MAK: variants seen among roughly 807,000 people sequenced by gnomAD.
MAK encodes the protein male germ cell associated kinase.
Under a neutral mutation model 82.6 loss-of-function variants are expected in MAK, and 65 were observed. The observed-to-expected ratio is 0.79, with a 90% CI of 0.64 to 0.97. The LOEUF is 0.97. Among genes scored for constraint, MAK ranks in the 50% least tolerant of loss-of-function variants. MAK has a pLI of 0.00. For synonymous variants in MAK, 250 were observed against 274.2 expected (o/e 0.91, Z 0.87); for missense variants, 703 against 780.2 (o/e 0.90, Z 1.18).
chr6:10,807,433 C>T (rs1012545573), intron 6 of MAK, among the ~76,000 whole-genome samples: 1 of 148,944 alleles, frequency 6.7e-6, no homozygotes, highest in South Asian at 2.1e-4. Context: ...ACCTCTGCCC[C>T]CAAGGTTCAA....
chr6:10,798,114 CTTTTTTT>C, intron 8 of MAK: 1 of 138,302 alleles, frequency 7.2e-6, no homozygotes, highest in Non-Finnish European at 1.4e-5. Context: ...CAACTCTTCC[CTTTTTTT>C]TTTTTTTTTT....
intron 11 of MAK, chr6:10,780,123 T>C: frequency 3.2e-6 from 1 of 308,872 alleles, no homozygotes; most frequent in Non-Finnish European, 4.7e-6. Flanking sequence ...AGAGGGGTCA[T>C]CTTCAAAACC....
At chr6:10,813,148 T>A (rs1777186757) in intron 5 of MAK, among the ~76,000 whole-genome samples, 8 of 43,658 alleles carry the variant, frequency 1.8e-4, no homozygotes, top group African/African-American at 1.2e-3. Context: ...TTTTTTTTTT[T>A]TTTTTTTTTT....
At position 10,776,371 on chromosome 6, in the gene MAK, C is replaced by T. The variant is rs1382869234; in HGVS notation, c.1466-912G>A. ...GTGAAATGTCCATTCAGCCTTGGGC[C>T]GTGATACTAGTGGTCAAAGGGAGTT... On this transcript the variant is annotated intron_variant, in intron 11 of 14. Coordinates refer to ENST00000354489, the MANE Select transcript of MAK (RefSeq NM_001242957.3). This position sits in a 1 kb window ranked among gnomAD's most constrained non-coding sequence, Gnocchi z 4.3. Among the ~76,000 whole-genome samples, 3 of 152,174 alleles carry T rather than the reference C, an allele frequency of 2.0e-5. No individual in the cohort carries two copies. The highest frequency in any genetic ancestry group is 4.4e-5 in the Non-Finnish European group (3 of 68,040).
At chr6:10,819,942 C>G (rs763980796) in intron 2 of MAK, among the ~76,000 whole-genome samples, 8 of 151,732 alleles carry the variant, frequency 5.3e-5, no homozygotes, top group Non-Finnish European at 7.4e-5. Flanking sequence ...GAAACCTCAT[C>G]TCTACTAAAA....
Position 10,779,357 on chromosome 6 carries a change from G to GT in MAK, c.1466-3899dup, listed in dbSNP as rs949559852. The GT allele has an allele frequency of 1.6e-5, 16 of 985,120 alleles. No homozygotes were observed. The African/African-American group carries it at 2.6e-4, about 16-fold the overall frequency. 61.0% of individuals were successfully genotyped at this position (985,120 alleles called of 1,614,324 possible). ...AGCTGACAGATGGTGCAGTCCCATC[G>GT]TAAGTTACAGAAAACAGAATCTTGC... On this transcript the variant is annotated intron_variant, in intron 11 of 14. Transcript: ENST00000354489.
chr6:10,774,472 G>A (rs1773296920), intron 12 of MAK, among the ~76,000 whole-genome samples: 1 of 151,746 alleles, frequency 6.6e-6, no homozygotes, highest in Non-Finnish European at 1.5e-5. Flanking sequence ...TTCCTTTTTG[G>A]AGACAGAAGC....
intron 13 of MAK, among the ~76,000 whole-genome samples, chr6:10,772,611 G>A (rs1455519522): frequency 1.3e-5 from 2 of 151,866 alleles, no homozygotes; most frequent in African/African-American, 4.8e-5. Context: ...CTGAAGTGCT[G>A]GGATTTCAGG....
intron 14 of MAK, among the ~76,000 whole-genome samples, chr6:10,765,091 C>T (rs1772285467): frequency 2.0e-5 from 2 of 101,262 alleles, no homozygotes; most frequent in Admixed American, 1.1e-4. Context: ...AGTGAAACTC[C>T]ATCTCAAAAA....
chr6:10,820,561 C>T (rs1298715868), intron 2 of MAK, among the ~76,000 whole-genome samples: 2 of 152,166 alleles, frequency 1.3e-5, no homozygotes, highest in Non-Finnish European at 2.9e-5. Flanking sequence ...GTTCAGCACT[C>T]AATAACTACT....
rs933014169 is a variant in MAK at position 10,802,025 on chromosome 6, G to A, written c.698C>T (p.Ser233Phe). The change falls in exon 8 of 15, where the codon TCT (serine) becomes TTT (phenylalanine). Residue 233 changes from serine to phenylalanine, a missense_variant. Ser to Phe is a radical substitution (Grantham distance 155). Transcript: ENST00000354489. ...ACACTGGGGAAAACGGAAGTTCATA[G>A]AGGATGCCAGCTGGTATCCTTCTGG... Reference protein sequence around the residue: ...DWPEGYQLASSMNFRFPQCVP... With the variant: ...DWPEGYQLASFMNFRFPQCVP... The A allele has an allele frequency of 1.9e-6, 3 of 1,614,024 alleles. No individual in the cohort carries two copies. Among genetic ancestry groups the A allele is most frequent in the Non-Finnish European group, 2.5e-6 (3 of 1,180,024 alleles).
At chr6:10,836,710 A>AAT (rs150366842) in intron 1 of MAK, among the ~76,000 whole-genome samples, 3 of 152,314 alleles carry the variant, frequency 2.0e-5, no homozygotes, top group South Asian at 4.1e-4. Flanking sequence ...TATGTACATG[A>AAT]ATATATATAG....
rs1421124479 is a variant in MAK, at chr6:10,793,637, T to A, written c.1144-1790A>T. Among the ~76,000 whole-genome samples the A allele has an allele frequency of 2.6e-5, 4 of 152,160 alleles. No individual in the cohort carries two copies. The highest frequency in any genetic ancestry group is 9.7e-5 in the African/African-American group (4 of 41,420). On this transcript the variant is annotated intron_variant, in intron 9 of 14. Transcript: ENST00000354489. This position sits in a 1 kb window ranked among gnomAD's most constrained non-coding sequence, Gnocchi z 4.6. ...AAATTTTAGTTAACACAGTACTTAATCCCAGCTCTGGAACTCACCTATATA... is the reference window on the plus strand; with the variant it reads ...AAATTTTAGTTAACACAGTACTTAAACCCAGCTCTGGAACTCACCTATATA...
chr6:10,797,387 G>A (rs1201222187), intron 8 of MAK, among the ~76,000 whole-genome samples: 1 of 152,144 alleles, frequency 6.6e-6, no homozygotes, highest in African/African-American at 2.4e-5. Flanking sequence ...GGCAATGTCT[G>A]GAGACATTTC....
rs1183854725 is a variant in MAK at position 10,776,988 on chromosome 6, G to A, written c.1466-1529C>T. Among the ~76,000 whole-genome samples the A allele has an allele frequency of 6.6e-6, 1 of 151,690 alleles. No individual in the cohort carries two copies. Among genetic ancestry groups the A allele is most frequent in the East Asian group, 1.9e-4 (1 of 5,166 alleles). ...CTTGAACCTGGGAGGCAGAGGTTGT[G>A]GTGAGCCCGAGATCGCACCACTGCA... On this transcript the variant is annotated intron_variant, in intron 11 of 14. Transcript: ENST00000354489. The surrounding 1 kb of genome is among the most constrained non-coding windows in gnomAD (Gnocchi z 4.3).
chr6:10,820,453 T>C (rs940494312), intron 2 of MAK, among the ~76,000 whole-genome samples: 1 of 152,138 alleles, frequency 6.6e-6, no homozygotes, highest in East Asian at 1.9e-4. Context: ...CCATATGACT[T>C]TGGACAAGTC....
At chr6:10,787,968 C>G (rs1289337254) in intron 10 of MAK, among the ~76,000 whole-genome samples, 1 of 151,634 alleles carries the variant, frequency 6.6e-6, no homozygotes, top group Non-Finnish European at 1.5e-5. Context: ...AAGAAATTTA[C>G]TAATTGTTCC....
chr6:10,779,545 G>A (rs762564966), intron 11 of MAK: 6 of 930,104 alleles, frequency 6.5e-6, no homozygotes, highest in East Asian at 1.2e-4. Context: ...CCTAAAAGTC[G>A]ATGCTTAATA....
chr6:10,781,027 G>C (rs1166321844), intron 11 of MAK, among the ~76,000 whole-genome samples: 1 of 152,090 alleles, frequency 6.6e-6, no homozygotes, highest in Non-Finnish European at 1.5e-5. Flanking sequence ...AAGCTCTTCA[G>C]TCCCTCACTC....
Sources: allele counts gnomAD v4.1 joint callset (sites outside exome capture counted in the v4.1 genomes callset), GRCh38; gene constraint gnomAD v4.1.1; non-coding constraint Gnocchi (gnomAD v3.1); transcripts MANE v1.5; gene names NCBI Gene and HGNC (gene_info 2026-07-23, HGNC 2026-07-21).